TAX1BP1: variants seen among roughly 807,000 people sequenced by gnomAD.
The protein encoded by TAX1BP1 is Tax1 binding protein 1.
A neutral mutation model predicts 97.7 loss-of-function variants in TAX1BP1; 62 were observed. The ratio of observed to expected loss-of-function variants is 0.63; its 90% confidence interval spans 0.52 to 0.78. The LOEUF (loss-of-function observed/expected upper bound fraction) is 0.78. TAX1BP1 is among the 30% of genes least tolerant of loss of function. The pLI is 0.00. For missense variants in TAX1BP1, 867 were observed against 916.1 expected (o/e 0.95, Z 0.69); for synonymous variants, 340 against 304.2 (o/e 1.12, Z -1.23).
chr7:27,816,791 G>T (rs1260838332), intron 14 of TAX1BP1, 99 bp from the exon 15 acceptor site: 10 of 1,430,820 alleles, frequency 7.0e-6, no homozygotes, highest in Non-Finnish European at 9.5e-6. Flanking sequence ...TTTTTCACAT[G>T]CCAAAGTGGT....
intron 11 of TAX1BP1, among the ~76,000 whole-genome samples, chr7:27,795,375 T>G (rs1192710529): frequency 1.3e-5 from 2 of 152,066 alleles, no homozygotes; most frequent in African/African-American, 4.8e-5. Flanking sequence ...CTGGAAGCTG[T>G]GGCAAGAGGA....
At chr7:27,759,304 AGATTTAATCACTGCCAT>A (rs1224575311) in intron 3 of TAX1BP1, among the ~76,000 whole-genome samples, 5 of 152,182 alleles carry the variant, frequency 3.3e-5, no homozygotes, top group Admixed American at 3.3e-4. Flanking sequence ...TTTTATTGGC[AGATTTAATCACTGCCAT>A]GATTTCCAAG....
At chr7:27,745,216 G>C (rs1787774172) in intron 1 of TAX1BP1, among the ~76,000 whole-genome samples, 1 of 152,130 alleles carries the variant, frequency 6.6e-6, no homozygotes, top group African/African-American at 2.4e-5. Context: ...CTGAGAGGAG[G>C]TTTGTACTTT....
intron 5 of TAX1BP1, among the ~76,000 whole-genome samples, chr7:27,774,761 T>G (rs1415416120): frequency 6.6e-6 from 1 of 152,176 alleles, no homozygotes; most frequent in Non-Finnish European, 1.5e-5. Context: ...TTAAGAAGTT[T>G]TAAAAAAGCA....
chr7:27,747,124 T>C (rs886353787), intron 1 of TAX1BP1, among the ~76,000 whole-genome samples: 1 of 152,160 alleles, frequency 6.6e-6, no homozygotes, highest in African/African-American at 2.4e-5. Context: ...CTTGCCCCAG[T>C]TTTCCCCATT....
Position 27,816,445 on chromosome 7 carries a change from G to C in TAX1BP1, c.1861G>C (p.Gly621Arg), listed in dbSNP as rs1482047367. The C allele has an allele frequency of 1.3e-6, 2 of 1,567,608 alleles. No homozygotes were observed. Among genetic ancestry groups the C allele is most frequent in the Non-Finnish European group, 1.7e-6 (2 of 1,166,252 alleles). Reference protein sequence around the residue: ...QCFKTCSEQNGYVLTLSNAQP... With the variant: ...QCFKTCSEQNRYVLTLSNAQP... ...TTTCAAAACATGCTCAGAGCAAAAT[G>C]GTTATGTTCTCACATTGTCAAATGC... The change falls in exon 14 of 17, where the codon GGT (glycine) becomes CGT (arginine). Residue 621 changes from glycine to arginine, a missense_variant. By Grantham distance (125) the Gly-to-Arg change is moderately radical. Coordinates refer to ENST00000396319, the MANE Select transcript of TAX1BP1 (RefSeq NM_006024.7).
intron 1 of TAX1BP1, among the ~76,000 whole-genome samples, chr7:27,740,830 C>T (rs113835191): frequency 6.6e-6 from 1 of 152,278 alleles, no homozygotes; most frequent in African/African-American, 2.4e-5. Flanking sequence ...TTTTGAGGGC[C>T]GCGGGCGGAG....
At chr7:27,772,953 T>C (rs1373890990) in intron 5 of TAX1BP1, among the ~76,000 whole-genome samples, 1 of 152,086 alleles carries the variant, frequency 6.6e-6, no homozygotes, top group Non-Finnish European at 1.5e-5. Flanking sequence ...AAGGATAATT[T>C]TCCATTCCTT....
At chr7:27,811,774 C>T (rs1001944468) in intron 13 of TAX1BP1, among the ~76,000 whole-genome samples, 37 of 152,076 alleles carry the variant, frequency 2.4e-4, no homozygotes, top group Admixed American at 6.5e-4. Context: ...CTCCTGCTAC[C>T]CCCCTGTCCT....
intron 13 of TAX1BP1, among the ~76,000 whole-genome samples, chr7:27,807,144 C>T (rs910385119): frequency 1.3e-5 from 2 of 152,032 alleles, no homozygotes; most frequent in South Asian, 2.1e-4. Flanking sequence ...ATAGTGAACT[C>T]TCATTTATAT....
intron 5 of TAX1BP1, among the ~76,000 whole-genome samples, chr7:27,781,840 T>C (rs1477282184): frequency 6.6e-6 from 1 of 151,956 alleles, no homozygotes; most frequent in Non-Finnish European, 1.5e-5. Flanking sequence ...TGCCTCAGCC[T>C]CCGGAGTAAC....
intron 12 of TAX1BP1, among the ~76,000 whole-genome samples, chr7:27,797,235 G>C (rs1240283141): frequency 1.3e-5 from 2 of 151,944 alleles, no homozygotes; most frequent in Non-Finnish European, 2.9e-5. Context: ...CTGACCTCGT[G>C]ATCCACTCGC....
chr7:27,776,279 G>A (rs1789030423), intron 5 of TAX1BP1, among the ~76,000 whole-genome samples: 1 of 152,012 alleles, frequency 6.6e-6, no homozygotes, highest in African/African-American at 2.4e-5. Context: ...GTTTCTGTCT[G>A]GTATAATTTT....
chr7:27,794,248 T>A, intron 10 of TAX1BP1, 75 bp from the exon 11 acceptor site: 1 of 1,255,456 alleles, frequency 8.0e-7, no homozygotes, highest in Non-Finnish European at 1.1e-6. Flanking sequence ...AAAAATATTA[T>A]TTACTTAGTT....
At chr7:27,758,245 A>G in intron 3 of TAX1BP1, 112 bp downstream of exon 3, 1 of 730,020 alleles carries the variant, frequency 1.4e-6, no homozygotes, top group African/African-American at 1.8e-5. Context: ...CCAAAGTTGA[A>G]TTAGTTAGTG....
At chr7:27,775,743 T>C (rs1789007756) in intron 5 of TAX1BP1, among the ~76,000 whole-genome samples, 1 of 152,142 alleles carries the variant, frequency 6.6e-6, no homozygotes, top group East Asian at 1.9e-4. Context: ...ATCTCTTGGG[T>C]TAGGTCTGTC....
At chr7:27,822,272 G>T (rs1240671121) in intron 15 of TAX1BP1, among the ~76,000 whole-genome samples, 3 of 152,090 alleles carry the variant, frequency 2.0e-5, no homozygotes, top group Non-Finnish European at 2.9e-5. Context: ...TAGACATTTG[G>T]GTTATTTCAC....
At chr7:27,785,564 A>T in intron 7 of TAX1BP1, 75 bp downstream of exon 7, 1 of 1,254,932 alleles carries the variant, frequency 8.0e-7, no homozygotes, top group Non-Finnish European at 1.1e-6. Context: ...GCTGTAGGTC[A>T]GCAATTTAGG....
chr7:27,770,913 A>C (rs1788819868), intron 5 of TAX1BP1, among the ~76,000 whole-genome samples: 1 of 151,942 alleles, frequency 6.6e-6, no homozygotes, highest in Non-Finnish European at 1.5e-5. Flanking sequence ...AAAAATATGC[A>C]AGTATTTCCC....
Sources: allele counts gnomAD v4.1 joint callset (sites outside exome capture counted in the v4.1 genomes callset), GRCh38; gene constraint gnomAD v4.1.1; transcripts MANE v1.5; gene names NCBI Gene and HGNC (gene_info 2026-07-23, HGNC 2026-07-21).